Variants in LRRC7 observed in about 807,000 individuals in gnomAD.
LRRC7 encodes the protein leucine rich repeat containing 7.
LRRC7 carries 23 observed loss-of-function variants against 175.7 expected under a neutral mutation model. The observed-to-expected ratio is 0.13, with a 90% CI of 0.09 to 0.19. LRRC7 has a LOEUF of 0.19. LRRC7 is among the 10% of genes least tolerant of loss of function. LRRC7 has a pLI of 1.00. For synonymous variants in LRRC7, 685 were observed against 680.9 expected, an observed-to-expected ratio of 1.01 and a Z score of -0.09; for missense variants, 1,354 against 1,904.7, an observed-to-expected ratio of 0.71 and a Z score of 5.38.
intron 2 of LRRC7, among the ~76,000 whole-genome samples, chr1:69,685,430 A>C (rs1661017916): frequency 6.6e-6 from 1 of 152,180 alleles, no homozygotes; most frequent in Non-Finnish European, 1.5e-5. Context: ...TCTGAGAAGG[A>C]GACTGAAGCA....
At chr1:69,981,513 A>T (rs183464998) in intron 9 of LRRC7, among the ~76,000 whole-genome samples, 304 of 152,334 alleles carry the variant, frequency 2.0e-3, no homozygotes, top group East Asian at 4.2e-3. Flanking sequence ...TTTATTTAAA[A>T]ATCATGTACC....
intron 23 of LRRC7, among the ~76,000 whole-genome samples, chr1:70,059,953 T>C (rs674706): frequency 0.59 from 89,515 of 151,792 alleles, 27,119 homozygotes; most frequent in Middle Eastern, 0.67. Context: ...TTAAGAAAAA[T>C]CACCTCAACC....
chr1:69,652,480 T>A (rs1655998686), intron 1 of LRRC7, among the ~76,000 whole-genome samples: 1 of 152,174 alleles, frequency 6.6e-6, no homozygotes, highest in Non-Finnish European at 1.5e-5. Flanking sequence ...AGGACCTAAA[T>A]AAATGAAGAG....
chr1:69,592,016 G>A (rs1468650226), intron 1 of LRRC7, among the ~76,000 whole-genome samples: 3 of 152,012 alleles, frequency 2.0e-5, no homozygotes, highest in Non-Finnish European at 4.4e-5. Context: ...GTTGAGGAAG[G>A]AACTGATCTC....
rs772773571 is a variant in LRRC7 at position 70,039,301 on chromosome 1, C to T, written c.3477C>T (p.Ser1159=). 51 of 1,613,942 alleles carry T rather than the reference C, an allele frequency of 3.2e-5. No homozygotes were observed. The highest frequency in any genetic ancestry group is 1.7e-4 in the Middle Eastern group (1 of 6,060). The change falls in exon 21 of 27, where the codon AGC becomes AGT. Residue 1159 remains serine (S), a synonymous_variant. Coordinates refer to ENST00000651989, the MANE Select transcript of LRRC7 (RefSeq NM_001370785.2). ...TGAGAAGGGCCGACTCCCTGGTGAG[C>T]GCCACAGAAATGGCCATGTTTAGAA... ...GFLRRADSLV[S]ATEMAMFRRV...
At chr1:69,865,090 G>A (rs1684763025) in intron 7 of LRRC7, among the ~76,000 whole-genome samples, 1 of 152,162 alleles carries the variant, frequency 6.6e-6, no homozygotes, top group South Asian at 2.1e-4. Context: ...TATTTCACCT[G>A]AGAACATCCC....
chr1:69,892,106 C>G (rs929450522), intron 7 of LRRC7, among the ~76,000 whole-genome samples: 2 of 152,086 alleles, frequency 1.3e-5, no homozygotes, highest in African/African-American at 4.8e-5. Context: ...TCAATTATAA[C>G]TCAATAAAAC....
Position 69,834,787 on chromosome 1 carries a change from G to T in LRRC7, c.508G>T (p.Asp170Tyr). 1 of 1,612,678 alleles carries T rather than the reference G, an allele frequency of 6.2e-7. No individual in the cohort carries two copies. The highest frequency in any genetic ancestry group is 1.3e-5 in the African/African-American group (1 of 74,924). Residue 170 changes from aspartate (D) to tyrosine (Y), a missense_variant, in exon 6 of 27, where the codon GAT (aspartate) becomes TAT (tyrosine). Asp to Tyr is a radical substitution (Grantham distance 160, BLOSUM62 -3). Around this residue, in one of 4 missense-constraint regions of LRRC7, gnomAD observed 201 missense variants for 481.4 expected, o/e 0.42. Transcript: ENST00000651989. Reference protein sequence around the residue: ...ASVNPISKLPDGFTQLLNLTQ... With the variant: ...ASVNPISKLPYGFTQLLNLTQ... ...ACTTTAACTCCTTTTTAGACTACCT[G>T]ATGGCTTCACACAGCTCCTAAACCT...
At chr1:70,026,030 A>G (rs1384322582) in intron 17 of LRRC7, among the ~76,000 whole-genome samples, 2 of 152,144 alleles carry the variant, frequency 1.3e-5, no homozygotes, top group Non-Finnish European at 2.9e-5. Context: ...GTGCTTGCTT[A>G]TAAAATAACC....
At chr1:69,922,037 T>C (rs956479230) in intron 7 of LRRC7, among the ~76,000 whole-genome samples, 1 of 152,204 alleles carries the variant, frequency 6.6e-6, no homozygotes, top group Non-Finnish European at 1.5e-5. Context: ...GCAATTCTCC[T>C]GCCTCAACCT....
At chr1:69,823,679 C>G (rs183508267) in intron 4 of LRRC7, among the ~76,000 whole-genome samples, 8 of 152,150 alleles carry the variant, frequency 5.3e-5, no homozygotes, top group African/African-American at 1.9e-4. Flanking sequence ...ACGTTTATAC[C>G]TGAAGCCAGA....
rs1468591167 is a variant in LRRC7 at position 70,137,260 on chromosome 1, G to C, written c.*15373G>C. Among the ~76,000 whole-genome samples, 1 of 152,048 alleles carries C rather than the reference G, an allele frequency of 6.6e-6. No individual in the cohort carries two copies. Among genetic ancestry groups the C allele is most frequent in the Non-Finnish European group, 1.5e-5 (1 of 68,014 alleles). Reference sequence around the variant, plus strand: ...GTCTTTCCAAGGAGTAACCCTTTTGGGTCAAAGTCAGAGGGGGCTTGCTGG... The same window carrying C: ...GTCTTTCCAAGGAGTAACCCTTTTGCGTCAAAGTCAGAGGGGGCTTGCTGG... On this transcript the variant is annotated 3_prime_UTR_variant, in exon 27 of 27. Transcript: ENST00000651989.
chr1:70,054,561 T>C (rs891912970), intron 23 of LRRC7, among the ~76,000 whole-genome samples: 2 of 146,354 alleles, frequency 1.4e-5, no homozygotes, highest in African/African-American at 5.0e-5. Flanking sequence ...AATTGAATTA[T>C]GGTTCTTTAC....
intron 8 of LRRC7, among the ~76,000 whole-genome samples, chr1:69,975,076 G>A (rs1387252591): frequency 1.3e-5 from 2 of 152,158 alleles, no homozygotes; most frequent in Non-Finnish European, 2.9e-5. Flanking sequence ...AAATAAAGTA[G>A]AAATATAGAT....
intron 1 of LRRC7, among the ~76,000 whole-genome samples, chr1:69,611,377 C>A (rs980140493): frequency 6.6e-6 from 1 of 151,762 alleles, no homozygotes; most frequent in Non-Finnish European, 1.5e-5. Context: ...AATTCTAATT[C>A]GTGTTCTATC....
At chr1:69,780,436 C>T (rs6699395) in intron 3 of LRRC7, among the ~76,000 whole-genome samples, 74,151 of 151,586 alleles carry the variant, frequency 0.49, 18,698 homozygotes, top group African/African-American at 0.61. Context: ...GAGTAGATGT[C>T]CAAGAGGTGC....
Position 70,143,500 on chromosome 1 carries a change from T to G in LRRC7, c.*21613T>G, listed in dbSNP as rs920703061. 1 of 152,128 alleles carries G rather than the reference T, an allele frequency of 6.6e-6. No homozygotes were observed. Among genetic ancestry groups the G allele is most frequent in the Admixed American group, 6.6e-5 (1 of 15,266 alleles). 9.4% of individuals were successfully genotyped at this position (152,128 alleles called of 1,614,324 possible). On this transcript the variant is annotated 3_prime_UTR_variant, in exon 27 of 27. Coordinates refer to ENST00000651989, the MANE Select transcript of LRRC7 (RefSeq NM_001370785.2). ...TAATGCATGCATTTCACTGCATAGT[T>G]TATTGACACTACCCTTGTAAAGCTT...
At position 69,961,632 on chromosome 1, in the gene LRRC7, C is replaced by T. The variant is rs566010421; in HGVS notation, c.712-18747C>T. On this transcript the variant is annotated intron_variant, in intron 8 of 26. Coordinates refer to ENST00000651989, the MANE Select transcript of LRRC7 (RefSeq NM_001370785.2). ...AAACAGCATGGTACTAGTACAAGAGCAGAAACACAGACCAATGGAACAGAA... is the reference window on the plus strand; with the variant it reads ...AAACAGCATGGTACTAGTACAAGAGTAGAAACACAGACCAATGGAACAGAA... 2.6e-5 allele frequency among the ~76,000 whole-genome samples: 4 copies of T among 152,204 alleles called. No individual in the cohort carries two copies. In the East Asian group the frequency reaches 7.7e-4, roughly 29 times the overall value.
At chr1:69,593,192 G>A (rs967375375) in intron 1 of LRRC7, among the ~76,000 whole-genome samples, 1 of 151,898 alleles carries the variant, frequency 6.6e-6, no homozygotes, top group Admixed American at 6.6e-5. Context: ...ACATAAAAAA[G>A]AACATTTTAA....
Sources: gnomAD v4.1 joint callset for allele counts (sites outside exome capture counted in the v4.1 genomes callset) on GRCh38, gnomAD v4.1.1 for gene constraint, gnomAD v4.1.1 regional missense constraint, MANE v1.5 for transcripts, NCBI Gene and HGNC (gene_info 2026-07-23, HGNC 2026-07-21) for gene names.